TRIM45: variants seen among roughly 807,000 people sequenced by gnomAD.
TRIM45 encodes the protein tripartite motif containing 45.
Under a neutral mutation model 46.7 loss-of-function variants are expected in TRIM45, and 45 were observed. The ratio of observed to expected loss-of-function variants is 0.96; its 90% CI spans 0.76 to 1.24. TRIM45 has a LOEUF of 1.24. Ranked by LOEUF, TRIM45 falls within the 50% of genes most tolerant of loss-of-function variation. The pLI, the probability that TRIM45 is intolerant of heterozygous loss-of-function variation, is 0.00. For missense variants in TRIM45, 680 were observed against 728.4 expected (o/e 0.93, Z 0.77); for synonymous variants, 259 against 285.8 (o/e 0.91, Z 0.94).
At chr1:117,122,142 A>G (rs41276580), upstream of TRIM45, 8,851 of 287,096 alleles carry the variant, frequency 0.031, 246 homozygotes, top group East Asian at 0.11. Flanking sequence ...CCACGAACGC[A>G]GACTGGGTTC....
upstream of TRIM45, among the ~76,000 whole-genome samples, chr1:117,123,096 C>A (rs1418825544): frequency 6.6e-6 from 1 of 150,758 alleles, no homozygotes; most frequent in African/African-American, 2.4e-5. Flanking sequence ...TGGCCATTTC[C>A]AAAATATAAC....
Position 117,116,637 on chromosome 1 carries a change from A to G in TRIM45, c.1331T>C (p.Val444Ala), listed in dbSNP as rs537771666. 1 of 1,613,846 alleles carries G rather than the reference A, an allele frequency of 6.2e-7. No homozygotes were observed. The highest frequency in any genetic ancestry group is 1.7e-5 in the Admixed American group (1 of 59,998). Reference sequence around the variant, plus strand: ...AAACCTGTCTTTCTTATCTTTAGGGACAACGGCAACTTGAACGTTGTCTCC... The same window carrying G: ...AAACCTGTCTTTCTTATCTTTAGGGGCAACGGCAACTTGAACGTTGTCTCC... ...RGGDNVQVAV[V>A]PKDKKDSPVR... Residue 444 changes from valine to alanine, a missense_variant, in exon 3 of 6, where the codon GTC (valine) becomes GCC (alanine). Physicochemically the swap from Val to Ala is moderately conservative, Grantham distance 64 (BLOSUM62 0). This residue lies in a region of TRIM45 where 322 missense variants were observed against 359.3 expected (regional missense o/e 0.90). Coordinates refer to ENST00000256649, the MANE Select transcript of TRIM45 (RefSeq NM_025188.4). The surrounding 1 kb of genome is among the most constrained non-coding windows in gnomAD (Gnocchi z 4.6).
At position 117,115,929 on chromosome 1, in the gene TRIM45, AG is replaced by A. The variant is rs1650382093; in HGVS notation, c.1353-241del. Among the ~76,000 whole-genome samples the A allele has an allele frequency of 6.6e-6, 1 of 152,218 alleles. No individual in the cohort carries two copies. Among genetic ancestry groups the A allele is most frequent in the Non-Finnish European group, 1.5e-5 (1 of 68,040 alleles). ...AATATATTATTGTGTCCTTTTCAACAGGCTTCTGTTGAACCCTCTTGCTCTG... is the reference window on the plus strand; with the variant it reads ...AATATATTATTGTGTCCTTTTCAACAGCTTCTGTTGAACCCTCTTGCTCTG... On this transcript the variant is annotated intron_variant, in intron 3 of 5. Coordinates refer to ENST00000256649, the MANE Select transcript of TRIM45 (RefSeq NM_025188.4). The surrounding 1 kb of genome is among the most constrained non-coding windows in gnomAD (Gnocchi z 4.2).
Position 117,115,161 on chromosome 1 carries a change from T to C in TRIM45, c.1467+414A>G, listed in dbSNP as rs1570912361. On this transcript the variant is annotated intron_variant, in intron 4 of 5. Coordinates refer to ENST00000256649, the MANE Select transcript of TRIM45 (RefSeq NM_025188.4). The surrounding 1 kb of genome is among the most constrained non-coding windows in gnomAD (Gnocchi z 4.2). Reference sequence around the variant, plus strand: ...TTAGGCAGATAGATGACTAGTCAATTGTGAGGAGGGGGCATAACCCTCTCA... The same window carrying C: ...TTAGGCAGATAGATGACTAGTCAATCGTGAGGAGGGGGCATAACCCTCTCA... Among the ~76,000 whole-genome samples, 1 of 152,188 alleles carries C rather than the reference T, an allele frequency of 6.6e-6. No homozygotes were observed. Among genetic ancestry groups the C allele is most frequent in the South Asian group, 2.1e-4 (1 of 4,830 alleles).
rs1354325249 is a variant in TRIM45, at chr1:117,113,614, G to A, written c.1468-129C>T. ...TTGGATGGACAAGGACAACAGGAAA[G>A]AAACAGATTAGAGGACAAGAACCCT... On this transcript the variant is annotated intron_variant, in intron 4 of 5. Transcript: ENST00000256649. This position sits in a 1 kb window ranked among gnomAD's most constrained non-coding sequence, Gnocchi z 4.0. 7.1e-6 allele frequency: 9 copies of A among 1,264,180 alleles called. No individual in the cohort carries two copies. The Admixed American group carries it at 1.6e-4, about 23-fold the overall frequency. The allele number at this position is 1,264,180 out of a possible 1,614,324, so 78.3% of individuals were successfully genotyped here.
In TRIM45 at chr1:117,117,513, C is replaced by A. The variant is rs1347634740; in HGVS notation, c.1222+521G>T. 3.9e-5 allele frequency among the ~76,000 whole-genome samples: 6 copies of A among 152,144 alleles called. No homozygotes were observed. The highest frequency in any genetic ancestry group is 5.9e-5 in the Non-Finnish European group (4 of 68,028). ...GAAAGGGAACACTCGTTAAAAAAAA[C>A]CATTTTTTCCCCCAATTAAATGAAA... On this transcript the variant is annotated intron_variant, in intron 2 of 5. Coordinates refer to ENST00000256649, the MANE Select transcript of TRIM45 (RefSeq NM_025188.4). The surrounding 1 kb of genome is among the most constrained non-coding windows in gnomAD (Gnocchi z 4.9).
upstream of TRIM45, chr1:117,121,908 G>A (rs1242731819): frequency 2.8e-6 from 2 of 708,266 alleles, no homozygotes; most frequent in African/African-American, 3.5e-5. The surrounding 1 kb of genome is among the most constrained non-coding windows in gnomAD (Gnocchi z 4.2). Flanking sequence ...GTCCACTCAC[G>A]CGGGGGGCGG....
At position 117,117,887 on chromosome 1, in the gene TRIM45, G is replaced by A; in HGVS notation, c.1222+147C>T. 1 of 1,050,300 alleles carries A rather than the reference G, an allele frequency of 9.5e-7. No individual in the cohort carries two copies. Among genetic ancestry groups the A allele is most frequent in the Non-Finnish European group, 1.4e-6 (1 of 724,416 alleles). 65.1% of individuals were successfully genotyped at this position (1,050,300 alleles called of 1,614,324 possible). A position where few individuals can be genotyped will look rare whatever the true frequency, so the allele number is the denominator to read the frequency against. On this transcript the variant is annotated intron_variant, in intron 2 of 5. Transcript: ENST00000256649. The surrounding 1 kb of genome is among the most constrained non-coding windows in gnomAD (Gnocchi z 4.9). Reference sequence around the variant, plus strand: ...AACAAACCAGAAAGGGCAAAGGTGGGGGTCACTGTCTTTCAGATCAGTTTA... The same window carrying A: ...AACAAACCAGAAAGGGCAAAGGTGGAGGTCACTGTCTTTCAGATCAGTTTA...
upstream of TRIM45, chr1:117,121,841 C>G: frequency 1.4e-6 from 1 of 714,824 alleles, no homozygotes; most frequent in Non-Finnish European, 2.6e-6. This position sits in a 1 kb window ranked among gnomAD's most constrained non-coding sequence, Gnocchi z 4.2. Flanking sequence ...CCCCGCCGCC[C>G]TCCAGAGTGA....
Position 117,115,331 on chromosome 1 carries a change from A to G in TRIM45, c.1467+244T>C, listed in dbSNP as rs1208221685. On this transcript the variant is annotated intron_variant, in intron 4 of 5. Transcript: ENST00000256649. The surrounding 1 kb of genome is among the most constrained non-coding windows in gnomAD (Gnocchi z 4.2). ...CCATATTAAGAATCCTAAGAAACCAACTGGGAGAATGATAAGCTATAAGCA... is the reference window on the plus strand; with the variant it reads ...CCATATTAAGAATCCTAAGAAACCAGCTGGGAGAATGATAAGCTATAAGCA... Among the ~76,000 whole-genome samples the G allele has an allele frequency of 1.3e-5, 2 of 152,150 alleles. No individual in the cohort carries two copies. Among genetic ancestry groups the G allele is most frequent in the African/African-American group, 4.8e-5 (2 of 41,426 alleles).
intron 4 of TRIM45, among the ~76,000 whole-genome samples, chr1:117,114,391 C>T (rs1650325012): frequency 6.6e-6 from 1 of 152,240 alleles, no homozygotes; most frequent in African/African-American, 2.4e-5. Context: ...TAGCTCACTG[C>T]AGCCTTGAGC....
At position 117,115,630 on chromosome 1, in the gene TRIM45, G is replaced by C. The variant is rs374533969; in HGVS notation, c.1412C>G (p.Pro471Arg). ...KDGTYYISYT[P>R]KEPGVYTVWV... ...CACAGTATAGACGCCAGGTTCCTTG[G>C]GGGTGTAGGAAATGTAGTATGTCCC... The change falls in exon 4 of 6, where the codon CCC becomes CGC. Residue 471 changes from proline (P) to arginine (R), a missense_variant. Transcript: ENST00000256649. The surrounding 1 kb of genome is among the most constrained non-coding windows in gnomAD (Gnocchi z 4.2). 6.8e-6 allele frequency: 11 copies of C among 1,614,112 alleles called. No individual in the cohort carries two copies. The South Asian group carries it at 7.7e-5, about 11-fold the overall frequency.
Position 117,121,307 on chromosome 1 carries a change from G to T in TRIM45, c.-106C>A. The T allele has an allele frequency of 7.4e-7, 1 of 1,358,752 alleles. No homozygotes were observed. Among genetic ancestry groups the T allele is most frequent in the Non-Finnish European group, 9.9e-7 (1 of 1,009,404 alleles). The allele number at this position is 1,358,752 out of a possible 1,614,324, so 84.2% of individuals were successfully genotyped here. On this transcript the variant is annotated 5_prime_UTR_variant, in exon 1 of 6. The change creates a new upstream start codon in the 5' untranslated region. Transcript: ENST00000256649. This position sits in a 1 kb window ranked among gnomAD's most constrained non-coding sequence, Gnocchi z 4.2. ...AGAGAAAGTCTCCAGAACTTGAACA[G>T]AGACCATGGGGACTCCCTCGCTGAC...
rs1266173682 is a variant in TRIM45, at chr1:117,111,144, T to C, written c.*1161A>G. ...ACACAAAATATATACAGTGAAGACC[T>C]TGGCAGGGCTGAGGCACCAGTGCTG... is the stretch of plus-strand genomic sequence containing the variant. On this transcript the variant is annotated 3_prime_UTR_variant, in exon 6 of 6. Coordinates refer to ENST00000256649, the MANE Select transcript of TRIM45 (RefSeq NM_025188.4). 6.6e-6 allele frequency: 1 copy of C among 152,224 alleles called. No individual in the cohort carries two copies. Among genetic ancestry groups the C allele is most frequent in the South Asian group, 2.1e-4 (1 of 4,830 alleles). 9.4% of individuals were successfully genotyped at this position (152,224 alleles called of 1,614,324 possible).
chr1:117,121,987 C>A (rs1487950453), upstream of TRIM45: 8 of 598,900 alleles, frequency 1.3e-5, no homozygotes, highest in Non-Finnish European at 2.4e-5. The surrounding 1 kb of genome is among the most constrained non-coding windows in gnomAD (Gnocchi z 4.2). Flanking sequence ...GGCCAAGGCT[C>A]GGAGCGAGCG....
Position 117,112,306 on chromosome 1 carries a change from C to G in TRIM45, c.1742G>C (p.Ter581SerextTer15), listed in dbSNP as rs763151555. The change falls in exon 6 of 6, where the codon TGA (stop) becomes TCA (serine). Residue 581 changes from the stop codon to serine (S), a stop_lost. Transcript: ENST00000256649. ...PRSLLRTVAL* is the reference protein window; with the variant it reads ...PRSLLRTVALS ...TTTAAAAGGCTGAGCACAAACCCAT[C>G]AGAGAGCCACAGTCCTAAGTAGACT... 3.1e-6 allele frequency: 5 copies of G among 1,595,666 alleles called. No individual in the cohort carries two copies. The highest frequency in any genetic ancestry group is 1.1e-5 in the South Asian group (1 of 87,864).
chr1:117,112,601 G>T, intron 5 of TRIM45, 148 bp from the exon 6 acceptor site: 1 of 746,676 alleles, frequency 1.3e-6, no homozygotes. Context: ...GGAACAAGCT[G>T]TCTGACTGTT....
In TRIM45 at chr1:117,112,142, G is replaced by T; in HGVS notation, c.*163C>A. The T allele has an allele frequency of 1.4e-6, 1 of 723,114 alleles. No homozygotes were observed. Among genetic ancestry groups the T allele is most frequent in the Non-Finnish European group, 2.0e-6 (1 of 504,110 alleles). 44.8% of individuals were successfully genotyped at this position (723,114 alleles called of 1,614,324 possible). On this transcript the variant is annotated 3_prime_UTR_variant, in exon 6 of 6. Coordinates refer to ENST00000256649, the MANE Select transcript of TRIM45 (RefSeq NM_025188.4). ...GTTTTTTGTGCTCAACCATCCACAAGTACAATCAGTGAATAACTAACAAAA... is the reference window on the plus strand; with the variant it reads ...GTTTTTTGTGCTCAACCATCCACAATTACAATCAGTGAATAACTAACAAAA...
In TRIM45 at chr1:117,116,381, A is replaced by G. The variant is rs746078519; in HGVS notation, c.1352+235T>C. Among the ~76,000 whole-genome samples the G allele has an allele frequency of 7.2e-5, 11 of 151,760 alleles. No individual in the cohort carries two copies. The highest frequency in any genetic ancestry group is 1.3e-4 in the Non-Finnish European group (9 of 67,948). ...CCTGAATAGCTGGGATTATAGGCAT[A>G]TGCCTCCACTCCCGGCTAATTTTTT... On this transcript the variant is annotated intron_variant, in intron 3 of 5. Transcript: ENST00000256649. The surrounding 1 kb of genome is among the most constrained non-coding windows in gnomAD (Gnocchi z 4.6).
Sources: allele counts gnomAD v4.1 joint callset (sites outside exome capture counted in the v4.1 genomes callset), GRCh38; gene constraint gnomAD v4.1.1; regional missense constraint gnomAD v4.1.1; non-coding constraint Gnocchi (gnomAD v3.1); transcripts MANE v1.5; gene names NCBI Gene and HGNC (gene_info 2026-07-23, HGNC 2026-07-21).